PCDH9: variants seen among roughly 807,000 people sequenced by gnomAD.
The protein encoded by PCDH9 is protocadherin-9.
A neutral mutation model predicts 70.6 loss-of-function variants in PCDH9; 24 were observed. The observed-to-expected ratio is 0.34, with a 90% confidence interval of 0.25 to 0.48. The LOEUF (loss-of-function observed/expected upper bound fraction) is 0.48. Among genes scored for constraint, PCDH9 ranks in the 20% least tolerant of loss-of-function variants. The probability of loss-of-function intolerance (pLI) is 0.99; values close to 1 mark genes in which losing one functional copy is unlikely to be tolerated. For missense variants in PCDH9, 1,281 were observed against 1,503.6 expected (o/e 0.85, Z 2.45); for synonymous variants, 562 against 558.5 (o/e 1.01, Z -0.09).
intron 2 of PCDH9, among the ~76,000 whole-genome samples, chr13:66,962,557 A>G (rs1177103149): frequency 6.6e-6 from 1 of 152,246 alleles, no homozygotes; most frequent in East Asian, 1.9e-4. Flanking sequence ...CTTCTAGCCT[A>G]CAAAACCTAG....
intron 4 of PCDH9, among the ~76,000 whole-genome samples, chr13:66,566,234 G>A (rs2076650557): frequency 6.6e-6 from 1 of 152,098 alleles, no homozygotes; most frequent in Non-Finnish European, 1.5e-5. Context: ...GTAGGAATGT[G>A]CTTGTTTTTA....
intron 3 of PCDH9, among the ~76,000 whole-genome samples, chr13:66,689,739 A>C (rs2078455703): frequency 6.6e-6 from 1 of 152,112 alleles, no homozygotes; most frequent in African/African-American, 2.4e-5. Flanking sequence ...AAATTTTAAT[A>C]GACAACCGCA....
At chr13:66,465,607 A>G (rs1277763910) in intron 4 of PCDH9, among the ~76,000 whole-genome samples, 2 of 151,924 alleles carry the variant, frequency 1.3e-5, no homozygotes, top group African/African-American at 4.8e-5. Flanking sequence ...ACAGCATTTC[A>G]GAAGATGAAC....
At chr13:67,143,057 T>C (rs2087436482) in intron 2 of PCDH9, among the ~76,000 whole-genome samples, 1 of 151,338 alleles carries the variant, frequency 6.6e-6, no homozygotes, top group South Asian at 2.1e-4. Flanking sequence ...AAACAAAAAC[T>C]TAAAAATAAG....
chr13:66,607,937 A>G (rs1391698855), intron 4 of PCDH9, among the ~76,000 whole-genome samples: 1 of 152,150 alleles, frequency 6.6e-6, no homozygotes, highest in African/African-American at 2.4e-5. Flanking sequence ...GAAATATAGC[A>G]GATTGCAAAA....
At chr13:66,909,931 G>A (rs981003832) in intron 2 of PCDH9, among the ~76,000 whole-genome samples, 1 of 151,876 alleles carries the variant, frequency 6.6e-6, no homozygotes, top group African/African-American at 2.4e-5. Context: ...GTTCTTCTAG[G>A]GGCAGCAGAG....
intron 4 of PCDH9, among the ~76,000 whole-genome samples, chr13:66,445,076 T>G (rs1485681618): frequency 6.8e-6 from 1 of 147,438 alleles, no homozygotes; most frequent in African/African-American, 2.5e-5. Flanking sequence ...ATGTATTATA[T>G]CTATCATATA....
At chr13:67,139,786 G>A (rs1471490132) in intron 2 of PCDH9, among the ~76,000 whole-genome samples, 1 of 152,092 alleles carries the variant, frequency 6.6e-6, no homozygotes, top group Non-Finnish European at 1.5e-5. Context: ...ATGAACCCTT[G>A]AAATAAAGTC....
At chr13:66,795,977 G>A (rs1249414434) in intron 3 of PCDH9, among the ~76,000 whole-genome samples, 1 of 152,136 alleles carries the variant, frequency 6.6e-6, no homozygotes, top group Admixed American at 6.6e-5. Flanking sequence ...GTTCTAGGAT[G>A]GCTGTCTGCA....
chr13:67,029,110 C>G (rs2084853352), intron 2 of PCDH9, among the ~76,000 whole-genome samples: 1 of 152,088 alleles, frequency 6.6e-6, no homozygotes, highest in South Asian at 2.1e-4. Context: ...TTTCAAGGAA[C>G]TCATAAGCAG....
chr13:66,327,752 T>C (rs1391733561), intron 4 of PCDH9, among the ~76,000 whole-genome samples: 5 of 152,176 alleles, frequency 3.3e-5, no homozygotes, highest in African/African-American at 1.2e-4. Flanking sequence ...AGGCTATTTG[T>C]GAGCATCAAA....
intron 3 of PCDH9, among the ~76,000 whole-genome samples, chr13:66,669,774 C>T (rs1004423501): frequency 2.0e-5 from 3 of 152,112 alleles, no homozygotes; most frequent in African/African-American, 4.8e-5. Context: ...ACATCATTCT[C>T]TTTCATTCCA....
intron 2 of PCDH9, among the ~76,000 whole-genome samples, chr13:67,023,640 T>A (rs188072681): frequency 7.2e-5 from 11 of 152,158 alleles, no homozygotes; most frequent in Non-Finnish European, 1.5e-5. Flanking sequence ...CTCTTGAAGT[T>A]TGGAATCAAC....
At chr13:66,623,570 C>A (rs527538515) in intron 4 of PCDH9, among the ~76,000 whole-genome samples, 1 of 152,294 alleles carries the variant, frequency 6.6e-6, no homozygotes, top group East Asian at 1.9e-4. Flanking sequence ...TCCTTAGTAG[C>A]TAGGACTGCA....
At chr13:66,543,418 T>C (rs1961050201) in intron 4 of PCDH9, among the ~76,000 whole-genome samples, 1 of 151,852 alleles carries the variant, frequency 6.6e-6, no homozygotes, top group Admixed American at 6.6e-5. Flanking sequence ...ATACAATAAA[T>C]TAGCCAGGCG....
chr13:66,622,380 C>T (rs1471473301), intron 4 of PCDH9, among the ~76,000 whole-genome samples: 5 of 152,180 alleles, frequency 3.3e-5, no homozygotes, highest in Non-Finnish European at 5.9e-5. Flanking sequence ...AGCCCCGGTG[C>T]AGGAGCCACT....
Position 66,302,962 on chromosome 13 carries a change from A to G in PCDH9, c.*1693T>C, listed in dbSNP as rs1022106041. The G allele has an allele frequency of 2.0e-5, 3 of 152,472 alleles. No individual in the cohort carries two copies. The highest frequency in any genetic ancestry group is 2.4e-5 in the African/African-American group (1 of 41,426). 9.4% of individuals were successfully genotyped at this position (152,472 alleles called of 1,614,324 possible). On this transcript the variant is annotated 3_prime_UTR_variant, in exon 5 of 5. Coordinates refer to ENST00000377865, the MANE Select transcript of PCDH9 (RefSeq NM_203487.3). ...GTCATCAAACACCCCTCACAAACCG[A>G]CAAAAATGTACTTCAATAAGCAATG...
At chr13:67,223,275 G>C (rs375220272) in intron 2 of PCDH9, 2 of 152,196 alleles carry the variant, frequency 1.3e-5, no homozygotes, top group African/African-American at 4.8e-5. Flanking sequence ...TTGCTGAAAT[G>C]CACTTAACAT....
At chr13:67,117,224 A>G (rs1238414552) in intron 2 of PCDH9, among the ~76,000 whole-genome samples, 1 of 152,222 alleles carries the variant, frequency 6.6e-6, no homozygotes, top group African/African-American at 2.4e-5. Flanking sequence ...CATGCCAATC[A>G]CTGAAGATGC....
Sources: allele counts gnomAD v4.1 joint callset (sites outside exome capture counted in the v4.1 genomes callset), GRCh38; gene constraint gnomAD v4.1.1; transcripts MANE v1.5; gene names NCBI Gene and HGNC (gene_info 2026-07-23, HGNC 2026-07-21).